The following CSMD2 variants were observed in gnomAD, a reference collection of about 807,000 sequenced individuals.
The protein encoded by CSMD2 is CUB and Sushi multiple domains 2.
A neutral mutation model predicts 398.5 loss-of-function variants in CSMD2; 130 were observed. The ratio of observed to expected loss-of-function variants is 0.33; its 90% CI spans 0.28 to 0.38. CSMD2 has a LOEUF of 0.38. CSMD2 is among the 10% of genes least tolerant of loss of function. The pLI, the probability that CSMD2 is intolerant of heterozygous loss-of-function variation, is 1.00. For missense variants in CSMD2, 3,829 were observed against 4,764.9 expected (o/e 0.80, Z 5.78); for synonymous variants, 1,828 against 1,908.5 (o/e 0.96, Z 1.10).
chr1:33,939,829 C>T (rs546047474), intron 3 of CSMD2, among the ~76,000 whole-genome samples: 39 of 152,280 alleles, frequency 2.6e-4, no homozygotes, highest in African/African-American at 8.9e-4. Context: ...AAAGGCCAGA[C>T]TTTAGGCTCA....
chr1:34,110,859 A>G (rs1486404951), intron 1 of CSMD2, among the ~76,000 whole-genome samples: 1 of 152,196 alleles, frequency 6.6e-6, no homozygotes, highest in East Asian at 1.9e-4. Context: ...GGTTGACTAT[A>G]TAACAAACTT....
chr1:33,677,033 G>T (rs982360309), intron 25 of CSMD2, among the ~76,000 whole-genome samples: 6 of 152,100 alleles, frequency 3.9e-5, no homozygotes, highest in South Asian at 2.1e-4. Context: ...GCAATACCAT[G>T]CAGGACATAG....
At chr1:33,693,447 A>G (rs1043544641) in intron 24 of CSMD2, among the ~76,000 whole-genome samples, 8 of 152,202 alleles carry the variant, frequency 5.3e-5, no homozygotes, top group African/African-American at 1.9e-4. Flanking sequence ...AGACTATACA[A>G]GCGTAGGTGG....
intron 3 of CSMD2, among the ~76,000 whole-genome samples, chr1:33,984,843 G>A (rs967267991): frequency 2.9e-5 from 4 of 137,890 alleles, no homozygotes; most frequent in Non-Finnish European, 4.5e-5. Flanking sequence ...AAGGAGGAAG[G>A]AAGGAAGGAA....
chr1:33,919,720 T>C (rs1411548361), intron 4 of CSMD2, among the ~76,000 whole-genome samples: 2 of 152,204 alleles, frequency 1.3e-5, no homozygotes, highest in Non-Finnish European at 2.9e-5. Context: ...AAGCCAGCAA[T>C]GGCAACACAG....
At chr1:34,073,573 C>T (rs1432969091) in intron 2 of CSMD2, among the ~76,000 whole-genome samples, 1 of 152,176 alleles carries the variant, frequency 6.6e-6, no homozygotes, top group Non-Finnish European at 1.5e-5. Flanking sequence ...CTATACACTG[C>T]TGACCTTCTT....
chr1:33,953,015 A>G (rs777682943), intron 3 of CSMD2, among the ~76,000 whole-genome samples: 5 of 152,194 alleles, frequency 3.3e-5, no homozygotes, highest in Non-Finnish European at 7.3e-5. Context: ...GTGGCAAAAA[A>G]AGTCTAGCTC....
At chr1:33,829,621 G>A (rs993850283) in intron 6 of CSMD2, among the ~76,000 whole-genome samples, 45 of 152,278 alleles carry the variant, frequency 3.0e-4, no homozygotes, top group South Asian at 8.3e-4. Flanking sequence ...CTGAGGTACT[G>A]GGTTCATCTC....
chr1:33,625,670 T>C (rs1642075417), intron 33 of CSMD2, among the ~76,000 whole-genome samples: 1 of 152,072 alleles, frequency 6.6e-6, no homozygotes, highest in African/African-American at 2.4e-5. Context: ...GGCCCTGCCC[T>C]CCATGACCCC....
At chr1:33,959,555 G>A (rs1007342992) in intron 3 of CSMD2, among the ~76,000 whole-genome samples, 13 of 152,076 alleles carry the variant, frequency 8.5e-5, no homozygotes, top group South Asian at 2.1e-4. Context: ...TGAAAGTCCC[G>A]TGTCCCGGAA....
In CSMD2 at chr1:34,066,885, C is replaced by T. The variant is rs114351642; in HGVS notation, c.404+22092G>A. Among the ~76,000 whole-genome samples the T allele has an allele frequency of 3.1e-3, 471 of 152,198 alleles. 1 individual carries two copies. The highest frequency in any genetic ancestry group is 0.011 in the African/African-American group (450 of 41,510). ...GCAGCTGAGCAGGAATGGTGGAGAG[C>T]GACACTCAATCATCAAATTAGAAAC... On this transcript the variant is annotated intron_variant, in intron 2 of 70. Coordinates refer to ENST00000373381, the MANE Select transcript of CSMD2 (RefSeq NM_001281956.2).
chr1:33,582,115 C>T (rs1344353615), intron 47 of CSMD2, among the ~76,000 whole-genome samples: 5 of 152,122 alleles, frequency 3.3e-5, no homozygotes, highest in African/African-American at 1.2e-4. Context: ...AATGGCTATC[C>T]TCTGTGGGTC....
At chr1:34,123,618 G>A (rs373266570) in intron 1 of CSMD2, among the ~76,000 whole-genome samples, 14 of 152,186 alleles carry the variant, frequency 9.2e-5, no homozygotes, top group African/African-American at 2.6e-4. Flanking sequence ...GGGGAGTCTC[G>A]GGAACTGAGC....
At chr1:33,965,987 G>A (rs1645543296) in intron 3 of CSMD2, among the ~76,000 whole-genome samples, 1 of 152,204 alleles carries the variant, frequency 6.6e-6, no homozygotes, top group Admixed American at 6.5e-5. Context: ...ACAGCACAGG[G>A]AATAAGTCCA....
intron 5 of CSMD2, among the ~76,000 whole-genome samples, chr1:33,848,010 A>G (rs563472456): frequency 1.2e-3 from 176 of 152,258 alleles, no homozygotes; most frequent in Non-Finnish European, 2.2e-3. Flanking sequence ...CCAGCAGAAA[A>G]CAGGTGTCAC....
At chr1:33,563,399 G>A (rs1416629894) in intron 53 of CSMD2, among the ~76,000 whole-genome samples, 1 of 152,120 alleles carries the variant, frequency 6.6e-6, no homozygotes, top group Non-Finnish European at 1.5e-5. Flanking sequence ...TGAGGTGGGA[G>A]AGAAGGGGCA....
chr1:33,832,648 A>G (rs1659727683), intron 6 of CSMD2, among the ~76,000 whole-genome samples: 1 of 150,726 alleles, frequency 6.6e-6, no homozygotes, highest in Non-Finnish European at 1.5e-5. Flanking sequence ...AATAACTAAA[A>G]TCAGAGCAGA....
intron 25 of CSMD2, among the ~76,000 whole-genome samples, chr1:33,689,521 C>T (rs1048141256): frequency 1.3e-5 from 2 of 152,114 alleles, no homozygotes; most frequent in Non-Finnish European, 2.9e-5. Flanking sequence ...AAAGGCGCCT[C>T]CTGTCTCCCC....
chr1:33,887,251 A>AT (rs1641663203), intron 5 of CSMD2, among the ~76,000 whole-genome samples: 1 of 151,884 alleles, frequency 6.6e-6, no homozygotes, highest in South Asian at 2.1e-4. Context: ...ATTCAGAAAA[A>AT]AAAAAGCTTT....
Sources: allele counts gnomAD v4.1 joint callset (sites outside exome capture counted in the v4.1 genomes callset), GRCh38; gene constraint gnomAD v4.1.1; transcripts MANE v1.5; gene names NCBI Gene and HGNC (gene_info 2026-07-23, HGNC 2026-07-21).